ANO3: variants seen among roughly 807,000 people sequenced by gnomAD.
ANO3 encodes anoctamin-3.
In ANO3, 99 loss-of-function variants were observed where a neutral mutation model predicts 144.8. The ratio of observed to expected loss-of-function variants is 0.68; its 90% CI spans 0.58 to 0.81. The LOEUF (loss-of-function observed/expected upper bound fraction) is 0.81. Among genes scored for constraint, ANO3 ranks in the 30% least tolerant of loss-of-function variants. ANO3 has a pLI of 0.00. For synonymous variants in ANO3, 414 were observed against 392.6 expected (o/e 1.05, Z -0.64); for missense variants, 905 against 1,202.2 (o/e 0.75, Z 3.66).
chr11:26,569,089 G>A (rs964820866), intron 14 of ANO3, among the ~76,000 whole-genome samples: 1 of 151,772 alleles, frequency 6.6e-6, no homozygotes, highest in African/African-American at 2.4e-5. Flanking sequence ...TTCATTACCT[G>A]CCTGTAATGA....
At chr11:26,650,841 A>T (rs1590679419) in intron 24 of ANO3, among the ~76,000 whole-genome samples, 1 of 152,232 alleles carries the variant, frequency 6.6e-6, no homozygotes, top group Admixed American at 6.5e-5. Context: ...CAAACTGAGC[A>T]AACTTTTTTC....
intron 1 of ANO3, among the ~76,000 whole-genome samples, chr11:26,261,436 C>T (rs1304657010): frequency 1.3e-5 from 2 of 152,226 alleles, no homozygotes; most frequent in South Asian, 4.1e-4. Flanking sequence ...AACAATTTTG[C>T]CTCATTTAAA....
chr11:26,251,142 A>G (rs931076134), intron 1 of ANO3, among the ~76,000 whole-genome samples: 1 of 152,242 alleles, frequency 6.6e-6, no homozygotes, highest in Non-Finnish European at 1.5e-5. Flanking sequence ...AAGTTGAAAA[A>G]TTGTAAGTCA....
intron 1 of ANO3, among the ~76,000 whole-genome samples, chr11:26,418,044 G>T (rs557847128): frequency 6.6e-6 from 1 of 152,154 alleles, no homozygotes; most frequent in East Asian, 1.9e-4. Context: ...CATTCTTAGG[G>T]TTTTGAAATT....
At chr11:26,492,951 G>C (rs929249474) in intron 4 of ANO3, among the ~76,000 whole-genome samples, 1 of 152,140 alleles carries the variant, frequency 6.6e-6, no homozygotes, top group Non-Finnish European at 1.5e-5. Flanking sequence ...AGGCTGCACT[G>C]TTTCCCATAT....
chr11:26,258,079 T>C (rs771689325), intron 1 of ANO3, among the ~76,000 whole-genome samples: 1 of 152,136 alleles, frequency 6.6e-6, no homozygotes, highest in Non-Finnish European at 1.5e-5. Context: ...TTTAGGACTG[T>C]TAATAACACA....
At chr11:26,490,614 A>G (rs1354919442) in intron 4 of ANO3, among the ~76,000 whole-genome samples, 1 of 152,238 alleles carries the variant, frequency 6.6e-6, no homozygotes, top group East Asian at 1.9e-4. Flanking sequence ...ATAAAACAGT[A>G]TAACGTCACA....
chr11:26,579,493 T>C (rs1851074838), intron 14 of ANO3, among the ~76,000 whole-genome samples: 1 of 152,136 alleles, frequency 6.6e-6, no homozygotes, highest in African/African-American at 2.4e-5. Context: ...GACAAAAGAC[T>C]TACTCATCCA....
Position 26,647,840 on chromosome 11 carries a change from G to T in ANO3, c.2560G>T (p.Val854Leu). The change falls in exon 24 of 27, where the codon GTA becomes TTA. Residue 854 changes from valine to leucine, a missense_variant. By Grantham distance (32) the Val-to-Leu change is conservative. This residue lies in a region of ANO3 where 597 missense variants were observed against 865.1 expected (regional missense o/e 0.69). Transcript: ENST00000256737. Reference sequence around the variant, plus strand: ...CAAATATGGCCCCTGTGCAAATCATGTAGAACCAAGTGAAAAGTAAGGTTT... The same window carrying T: ...CAAATATGGCCCCTGTGCAAATCATTTAGAACCAAGTGAAAAGTAAGGTTT... ...EYKYGPCANH[V>L]EPSENCLKGY... is the part of the protein sequence containing the mutation. 1.2e-6 allele frequency: 2 copies of T among 1,608,824 alleles called. No individual in the cohort carries two copies. Among genetic ancestry groups the T allele is most frequent in the Non-Finnish European group, 8.5e-7 (1 of 1,177,346 alleles).
At chr11:26,435,251 A>G (rs1429148363) in intron 1 of ANO3, among the ~76,000 whole-genome samples, 1 of 152,090 alleles carries the variant, frequency 6.6e-6, no homozygotes, top group Non-Finnish European at 1.5e-5. Context: ...ACAGGCCCCA[A>G]TCTCTTCTGG....
At chr11:26,194,446 G>GTGTGTGTGTGTGTGTA in intron 1 of ANO3, among the ~76,000 whole-genome samples, 1 of 116,732 alleles carries the variant, frequency 8.6e-6, no homozygotes, top group East Asian at 2.2e-4. Flanking sequence ...AGTGGTGTGT[G>GTGTGTGTGTGTGTGTA]TGTGTGTGTG....
chr11:26,646,731 G>T (rs370904949), intron 23 of ANO3, among the ~76,000 whole-genome samples: 16 of 151,778 alleles, frequency 1.1e-4, no homozygotes, highest in African/African-American at 2.9e-4. Flanking sequence ...AACATCTTAG[G>T]ATCTTTTTGT....
intron 1 of ANO3, among the ~76,000 whole-genome samples, chr11:26,230,753 C>A (rs1470046750): frequency 7.4e-6 from 1 of 135,148 alleles, no homozygotes; most frequent in Non-Finnish European, 1.5e-5. Flanking sequence ...GCCGAGATCC[C>A]ACTACTGCAC....
chr11:26,364,743 C>T (rs1447556214), intron 1 of ANO3, among the ~76,000 whole-genome samples: 2 of 152,174 alleles, frequency 1.3e-5, no homozygotes, highest in African/African-American at 4.8e-5. Flanking sequence ...GAAATCCACC[C>T]CCGTGATCAA....
intron 1 of ANO3, among the ~76,000 whole-genome samples, chr11:26,408,368 G>GA (rs374339898): frequency 6.6e-6 from 1 of 151,856 alleles, no homozygotes; most frequent in South Asian, 2.1e-4. Context: ...AAAAACACAT[G>GA]AAAAAATGCT....
At chr11:26,500,387 C>T (rs1459483967) in intron 4 of ANO3, among the ~76,000 whole-genome samples, 1 of 151,990 alleles carries the variant, frequency 6.6e-6, no homozygotes, top group African/African-American at 2.4e-5. Flanking sequence ...AAACTGTTTT[C>T]CAAAGATTCT....
intron 3 of ANO3, among the ~76,000 whole-genome samples, chr11:26,458,021 A>T (rs547713891): frequency 1.3e-5 from 2 of 152,286 alleles, no homozygotes; most frequent in African/African-American, 4.8e-5. Flanking sequence ...ATGATTTCAG[A>T]AATGTTACAA....
chr11:26,624,690 C>A (rs1029472430), intron 18 of ANO3, among the ~76,000 whole-genome samples, 192 bp downstream of exon 18: 34 of 152,282 alleles, frequency 2.2e-4, no homozygotes, highest in Middle Eastern at 3.4e-3. Context: ...CATGTAGTTA[C>A]AAAATATTTT....
At chr11:26,505,323 T>A (rs1861382222) in intron 4 of ANO3, among the ~76,000 whole-genome samples, 1 of 152,168 alleles carries the variant, frequency 6.6e-6, no homozygotes, top group African/African-American at 2.4e-5. Context: ...AAGTACCTGT[T>A]TGGAGAAGAT....
Sources: allele counts gnomAD v4.1 joint callset (sites outside exome capture counted in the v4.1 genomes callset), GRCh38; gene constraint gnomAD v4.1.1; regional missense constraint gnomAD v4.1.1; transcripts MANE v1.5; gene names NCBI Gene and HGNC (gene_info 2026-07-23, HGNC 2026-07-21).